The following TTN variants were observed in gnomAD, a reference collection of about 807,000 sequenced individuals.
TTN encodes connectin.
A neutral mutation model predicts 3,223.0 loss-of-function variants in TTN; 1,525 were observed. That is an observed-to-expected ratio of 0.47 (90% CI 0.45 to 0.49). TTN has a LOEUF of 0.49. TTN is among the 20% of genes least tolerant of loss of function. The pLI, the probability that TTN is intolerant of heterozygous loss-of-function variation, is 0.00. For missense variants in TTN, 40,786 were observed against 43,424.0 expected, an observed-to-expected ratio of 0.94 and a Z score of 5.40; for synonymous variants, 14,094 against 15,161.0, an observed-to-expected ratio of 0.93 and a Z score of 5.17.
In TTN at chr2:178,530,469, G is replaced by T. The variant is rs1688610819; in HGVS notation, c.106146C>A (p.Ile35382=). ...CTGATATTTTTGATACCTTCTCATGGATACTCTTAAAGGCTTGCCCCATAA... is the reference window on the plus strand; with the variant it reads ...CTGATATTTTTGATACCTTCTCATGTATACTCTTAAAGGCTTGCCCCATAA... ...LQFMGQAFKS[I]HEKVSKISET... The change falls in exon 358 of 363, where the codon ATC becomes ATA. Residue 35382 remains isoleucine, a synonymous_variant. Transcript: ENST00000589042. 3.1e-6 allele frequency: 5 copies of T among 1,613,782 alleles called. No individual in the cohort carries two copies. The highest frequency in any genetic ancestry group is 3.4e-6 in the Non-Finnish European group (4 of 1,179,870).
chr2:178,767,175 A>T (rs1342880191), intron 40 of TTN, among the ~76,000 whole-genome samples: 1 of 152,206 alleles, frequency 6.6e-6, no homozygotes, highest in Non-Finnish European at 1.5e-5. Context: ...GATAAAGCTG[A>T]ACTCAACTGG....
chr2:178,592,068 G>C lies in TTN; in HGVS notation c.59836C>G (p.Gln19946Glu). Reference protein sequence around the residue: ...HFAKHLNEGNQYLFRVAAENQ... With the variant: ...HFAKHLNEGNEYLFRVAAENQ... Reference sequence around the variant, plus strand: ...TCCGCAGCTACTCGGAAGAGGTACTGGTTGCCTTCATTCAGATGCTTAGCG... The same window carrying C: ...TCCGCAGCTACTCGGAAGAGGTACTCGTTGCCTTCATTCAGATGCTTAGCG... Residue 19946 changes from glutamine (Q) to glutamate (E), a missense_variant, in exon 302 of 363, where the codon CAG becomes GAG. By Grantham distance (29) the Gln-to-Glu change is conservative. Transcript: ENST00000589042. 1 of 1,613,052 alleles carries C rather than the reference G, an allele frequency of 6.2e-7. No homozygotes were observed. Among genetic ancestry groups the C allele is most frequent in the East Asian group, 2.2e-5 (1 of 44,620 alleles).
At chr2:178,664,216 AAGTTC>A (rs1480506810) in intron 168 of TTN, 118 bp from the exon 169 acceptor site, 1 of 1,010,568 alleles carries the variant, frequency 9.9e-7, no homozygotes, top group Non-Finnish European at 1.4e-6. Context: ...CAGTGGTAAC[AAGTTC>A]CCATAATAGG....
At position 178,738,498 on chromosome 2, in the gene TTN, G is replaced by A. The variant is rs2253324; in HGVS notation, c.14093-138C>T. On this transcript the variant is annotated intron_variant, in intron 48 of 362. Coordinates refer to ENST00000589042, the MANE Select transcript of TTN (RefSeq NM_001267550.2). The stretch of plus-strand genomic sequence containing the variant: ...GATGGATTACAGCAGTTTAAGGCAA[G>A]TGACTGGAAAATGAGAAAGATCATT... 0.049 allele frequency: 52,090 copies of A among 1,058,836 alleles called. 2,064 individuals are homozygous for A. The highest frequency in any genetic ancestry group is 0.18 in the East Asian group (6,736 of 37,012). 65.6% of individuals were successfully genotyped at this position (1,058,836 alleles called of 1,614,324 possible).
In TTN at chr2:178,723,963, C is replaced by T. The variant is rs2078895939; in HGVS notation, c.21296G>A (p.Cys7099Tyr). 3.1e-6 allele frequency: 5 copies of T among 1,613,560 alleles called. No individual in the cohort carries two copies. The highest frequency in any genetic ancestry group is 2.2e-5 in the East Asian group (1 of 44,852). ...ATCCAGAGAATTCAACTGCAATGTGCAGACATTATCTGAAAATGTGGTTTG... is the reference window on the plus strand; with the variant it reads ...ATCCAGAGAATTCAACTGCAATGTGTAGACATTATCTGAAAATGTGGTTTG... ...KYQTTFSDNV[C>Y]TLQLNSLDSS... Residue 7099 changes from cysteine (C) to tyrosine (Y), a missense_variant, in exon 73 of 363, where the codon TGC (cysteine) becomes TAC (tyrosine). By Grantham distance (194) the Cys-to-Tyr change is radical. Coordinates refer to ENST00000589042, the MANE Select transcript of TTN (RefSeq NM_001267550.2).
chr2:178,615,160 A>T, intron 259 of TTN, 147 bp downstream of exon 259: 4 of 1,069,162 alleles, frequency 3.7e-6, no homozygotes, highest in Non-Finnish European at 5.4e-6. Flanking sequence ...CAGGCAGTAC[A>T]TTCAGCAGCA....
intron 317 of TTN, 25 bp from the exon 318 acceptor site, chr2:178,580,254 A>C (rs377539964): frequency 6.2e-6 from 10 of 1,607,788 alleles, no homozygotes; most frequent in Middle Eastern, 1.7e-4. Context: ...GGTAAATAAG[A>C]AATGAATGTG....
chr2:178,714,969 A>T lies in TTN; in HGVS notation c.26200+17T>A. On this transcript the variant is annotated intron_variant, in intron 90 of 362. Transcript: ENST00000589042. Reference sequence around the variant, plus strand: ...AGAAGGGAAGTAGTGAGCAGAAGTGAATGCAGTCCATCTAACCTTTGAGAG... The same window carrying T: ...AGAAGGGAAGTAGTGAGCAGAAGTGTATGCAGTCCATCTAACCTTTGAGAG... 3 of 1,591,774 alleles carry T rather than the reference A, an allele frequency of 1.9e-6. No homozygotes were observed. The highest frequency in any genetic ancestry group is 2.6e-6 in the Non-Finnish European group (3 of 1,168,208).
rs371193038 is a variant in TTN at position 178,672,143 on chromosome 2, A to C, written c.35055T>G (p.His11685Gln). The C allele has an allele frequency of 1.9e-6, 3 of 1,607,088 alleles. No homozygotes were observed. In the Admixed American group the frequency reaches 5.1e-5, roughly 27 times the overall value. ...VEEIPEEEEFHEVEEYFEEGE... is the reference protein window; with the variant it reads ...VEEIPEEEEFQEVEEYFEEGE... ...CTTCTTCAAAATATTCTTCAACTTC[A>C]TGGAACTCTTCTTCTTCCGGAATTT... Residue 11685 changes from histidine (H) to glutamine (Q), a missense_variant, in exon 155 of 363, where the codon CAT becomes CAG. Physicochemically the swap from His to Gln is conservative, Grantham distance 24. Transcript: ENST00000589042.
At chr2:178,603,505 G>A (rs1023073534) in intron 282 of TTN, among the ~76,000 whole-genome samples, 2 of 151,862 alleles carry the variant, frequency 1.3e-5, no homozygotes, top group African/African-American at 4.8e-5. Context: ...AATTCCTACT[G>A]GAAGGTCTGA....
Position 178,551,015 on chromosome 2 carries a change from T to A in TTN, c.91516A>T (p.Ser30506Cys). 1 of 1,613,438 alleles carries A rather than the reference T, an allele frequency of 6.2e-7. No individual in the cohort carries two copies. Among genetic ancestry groups the A allele is most frequent in the African/African-American group, 1.3e-5 (1 of 75,008 alleles). Residue 30506 changes from serine to cysteine, a missense_variant, in exon 336 of 363, where the codon AGC (serine) becomes TGC (cysteine). Ser to Cys is a moderately radical substitution (Grantham distance 112). Coordinates refer to ENST00000589042, the MANE Select transcript of TTN (RefSeq NM_001267550.2). ...IIARNAVGTISPPSQSSGIIM... is the reference protein window; with the variant it reads ...IIARNAVGTICPPSQSSGIIM... ...ATGCCAGAAGACTGTGAGGGCGGGC[T>A]TATAGTTCCAACAGCATTTCTTGCA...
intron 223 of TTN, among the ~76,000 whole-genome samples, chr2:178,638,067 T>C (rs2060722009): frequency 6.6e-6 from 1 of 152,022 alleles, no homozygotes; most frequent in African/African-American, 2.4e-5. Context: ...TAACTGAGAA[T>C]AGCTTTATTT....
chr2:178,769,761 G>A lies in TTN; in HGVS notation c.8820C>T (p.Ile2940=), dbSNP rs1215503664. The change falls in exon 37 of 363, where the codon ATC becomes ATT. Residue 2940 remains isoleucine, a synonymous_variant. Transcript: ENST00000589042. ...VVQGKLHQLI[I]MNTSTEDSAE... is the part of the protein sequence containing the mutation. The stretch of plus-strand genomic sequence containing the variant: ...CCGAGTCCTCTGTGCTGGTGTTCAT[G>A]ATGATCAGCTGATGGAGTTTTCCCT... 6.2e-7 allele frequency: 1 copy of A among 1,614,014 alleles called. No homozygotes were observed. Among genetic ancestry groups the A allele is most frequent in the East Asian group, 2.2e-5 (1 of 44,874 alleles).
intron 240 of TTN, among the ~76,000 whole-genome samples, chr2:178,627,319 T>C (rs1471033098): frequency 6.6e-6 from 1 of 151,982 alleles, no homozygotes; most frequent in Non-Finnish European, 1.5e-5. Flanking sequence ...ACAGCTTGTT[T>C]TTGCTTGTTT....
Position 178,636,381 on chromosome 2 carries a change from A to G in TTN, c.41329+17T>C. On this transcript the variant is annotated intron_variant, in intron 225 of 362. Transcript: ENST00000589042. The surrounding 1 kb of genome is among the most constrained non-coding windows in gnomAD (Gnocchi z 4.3). ...TTAAAGTTTAATATAGATTATGTTC[A>G]GAAGACTAGAAATTACCTTCTACAA... 1 of 1,586,342 alleles carries G rather than the reference A, an allele frequency of 6.3e-7. No individual in the cohort carries two copies. The highest frequency in any genetic ancestry group is 8.6e-7 in the Non-Finnish European group (1 of 1,166,562).
chr2:178,761,545 T>A (rs1267306736), intron 43 of TTN, among the ~76,000 whole-genome samples: 1 of 152,192 alleles, frequency 6.6e-6, no homozygotes, highest in Non-Finnish European at 1.5e-5. Flanking sequence ...CATCATAGGA[T>A]GCCACTGTGT....
Position 178,620,764 on chromosome 2 carries a change from G to T in TTN, c.45846C>A (p.Thr15282=), listed in dbSNP as rs377132447. 2 of 1,612,738 alleles carry T rather than the reference G, an allele frequency of 1.2e-6. No homozygotes were observed. Among genetic ancestry groups the T allele is most frequent in the Non-Finnish European group, 1.7e-6 (2 of 1,179,126 alleles). Residue 15282 remains threonine (T), a synonymous_variant, in exon 247 of 363, where the codon ACC becomes ACA. Coordinates refer to ENST00000589042, the MANE Select transcript of TTN (RefSeq NM_001267550.2). ...DDQANYNVSL[T]NHRGENVKSA... is the part of the protein sequence containing the mutation. ...TTTTAACATTTTCACCTCTGTGATT[G>T]GTCAAAGACACATTATAGTTGGCTT...
chr2:178,651,643 G>A (rs1023660201), intron 206 of TTN, 23 bp downstream of exon 206: 3 of 1,612,672 alleles, frequency 1.9e-6, no homozygotes, highest in Non-Finnish European at 2.5e-6. Flanking sequence ...TTTTGTTAGG[G>A]AGTTAGTGGC....
Position 178,533,973 on chromosome 2 carries a change from G to C in TTN, c.102642C>G (p.Asp34214Glu), listed in dbSNP as rs766760792. Reference protein sequence around the residue: ...DGTYRCKVVNDYGEDSSYAEL... With the variant: ...DGTYRCKVVNEYGEDSSYAEL... ...CTGCATAAGAACTGTCTTCACCATA[G>C]TCATTGACTACTTTGCATCTGTAGG... Residue 34214 changes from aspartate (D) to glutamate (E), a missense_variant, in exon 358 of 363, where the codon GAC (aspartate) becomes GAG (glutamate). Transcript: ENST00000589042. 6 of 1,613,868 alleles carry C rather than the reference G, an allele frequency of 3.7e-6. No individual in the cohort carries two copies. The East Asian group carries it at 1.3e-4, about 36-fold the overall frequency.
Sources: allele counts gnomAD v4.1 joint callset (sites outside exome capture counted in the v4.1 genomes callset), GRCh38; gene constraint gnomAD v4.1.1; non-coding constraint Gnocchi (gnomAD v3.1); transcripts MANE v1.5; gene names NCBI Gene and HGNC (gene_info 2026-07-23, HGNC 2026-07-21).